The following PARD3 variants were observed in gnomAD, a reference collection of about 807,000 sequenced individuals.
The protein encoded by PARD3 is partitioning defective 3 homolog.
A neutral mutation model predicts 155.4 loss-of-function variants in PARD3; 75 were observed. That is an observed-to-expected ratio of 0.48 (90% CI 0.40 to 0.58). The LOEUF is 0.58. Among genes scored for constraint, PARD3 ranks in the 20% least tolerant of loss-of-function variants. The pLI, the probability that PARD3 is intolerant of heterozygous loss-of-function variation, is 0.00. For missense variants in PARD3, 1,642 were observed against 1,721.7 expected, an observed-to-expected ratio of 0.95 and a Z score of 0.82; for synonymous variants, 576 against 610.5, an observed-to-expected ratio of 0.94 and a Z score of 0.83.
intron 20 of PARD3, among the ~76,000 whole-genome samples, chr10:34,290,107 C>T (rs1228242365): frequency 6.6e-6 from 1 of 152,170 alleles, no homozygotes; most frequent in East Asian, 1.9e-4. Flanking sequence ...AATATTTCTG[C>T]TGCTACCAAA....
chr10:34,725,364 A>C (rs1264526484), intron 1 of PARD3, among the ~76,000 whole-genome samples: 1 of 151,974 alleles, frequency 6.6e-6, no homozygotes, highest in Non-Finnish European at 1.5e-5. Flanking sequence ...TGTTGGACCA[A>C]GGTGGTCTTG....
At chr10:34,559,045 C>T (rs980835372) in intron 2 of PARD3, among the ~76,000 whole-genome samples, 1 of 151,788 alleles carries the variant, frequency 6.6e-6, no homozygotes, top group African/African-American at 2.4e-5. Context: ...TCATTTTTCC[C>T]CCCCACAGAA....
At chr10:34,750,462 A>AACACACACACACAC (rs71033348) in intron 1 of PARD3, among the ~76,000 whole-genome samples, 58 of 135,924 alleles carry the variant, frequency 4.3e-4, no homozygotes, top group African/African-American at 1.3e-3. Flanking sequence ...CTCTCTTTCA[A>AACACACACACACAC]ACACACACAC....
At chr10:34,355,958 C>CAAAAAAAAAAGAAA (rs1491326864) in intron 14 of PARD3, among the ~76,000 whole-genome samples, 1 of 116,198 alleles carries the variant, frequency 8.6e-6, no homozygotes, top group Non-Finnish European at 1.6e-5. Context: ...AAAACAAAAC[C>CAAAAAAAAAAGAAA]AAACAAAAAA....
At chr10:34,521,050 T>C (rs1317012640) in intron 2 of PARD3, among the ~76,000 whole-genome samples, 5 of 152,204 alleles carry the variant, frequency 3.3e-5, no homozygotes, top group Non-Finnish European at 1.5e-5. Flanking sequence ...CAATGATGTG[T>C]TCTCTCAAGA....
intron 4 of PARD3, among the ~76,000 whole-genome samples, chr10:34,468,467 T>C (rs2078145564): frequency 6.6e-6 from 1 of 152,180 alleles, no homozygotes; most frequent in Non-Finnish European, 1.5e-5. Context: ...TTTGTGAATA[T>C]CCATGTAAAT....
intron 2 of PARD3, among the ~76,000 whole-genome samples, chr10:34,551,249 GC>G (rs1329728448): frequency 6.6e-6 from 1 of 152,194 alleles, no homozygotes; most frequent in African/African-American, 2.4e-5. Context: ...GCCCTGTTCA[GC>G]CCCTCCAGGA....
chr10:34,592,001 A>G (rs1437045784), intron 2 of PARD3, among the ~76,000 whole-genome samples: 1 of 152,174 alleles, frequency 6.6e-6, no homozygotes, highest in Non-Finnish European at 1.5e-5. Context: ...GATTTAGAAC[A>G]CACTCCAGTA....
intron 20 of PARD3, among the ~76,000 whole-genome samples, chr10:34,302,623 T>G (rs1428547737): frequency 6.6e-6 from 1 of 152,190 alleles, no homozygotes; most frequent in Non-Finnish European, 1.5e-5. Flanking sequence ...TTCTGTGAAA[T>G]GTTTACTTTA....
At position 34,648,946 on chromosome 10, in the gene PARD3, A is replaced by G. The variant is rs544887683; in HGVS notation, c.222+47372T>C. ...TACAAATGAATCCTCCAAACAAGGG[A>G]CACCATCATCATCAGTTTTAAATAT... On this transcript the variant is annotated intron_variant, in intron 2 of 24. Coordinates refer to ENST00000374788, the MANE Select transcript of PARD3 (RefSeq NM_001184785.2). 7.9e-5 allele frequency among the ~76,000 whole-genome samples: 12 copies of G among 152,276 alleles called. 1 individual carries two copies. The highest frequency in any genetic ancestry group is 1.3e-4 in the Non-Finnish European group (9 of 68,020).
At chr10:34,651,096 C>T (rs745895420) in intron 2 of PARD3, among the ~76,000 whole-genome samples, 1 of 143,158 alleles carries the variant, frequency 7.0e-6, no homozygotes, top group African/African-American at 2.6e-5. Context: ...TTCATGGTGG[C>T]GAAGGAATCA....
chr10:34,193,315 C>G (rs1268875298), intron 22 of PARD3, among the ~76,000 whole-genome samples: 1 of 152,098 alleles, frequency 6.6e-6, no homozygotes, highest in African/African-American at 2.4e-5. Context: ...GGATTTTTCC[C>G]TAAATAAAAA....
intron 22 of PARD3, among the ~76,000 whole-genome samples, chr10:34,160,261 T>A (rs1481224246): frequency 6.6e-6 from 1 of 152,170 alleles, no homozygotes; most frequent in African/African-American, 2.4e-5. Context: ...GGGAAAAACT[T>A]TGATTCTTAA....
At chr10:34,796,199 A>G (rs1842228962) in intron 1 of PARD3, among the ~76,000 whole-genome samples, 1 of 152,186 alleles carries the variant, frequency 6.6e-6, no homozygotes, top group Non-Finnish European at 1.5e-5. Flanking sequence ...GTCCCAGCTG[A>G]GCCCAACATT....
chr10:34,548,342 C>A lies in PARD3; in HGVS notation c.223-31183G>T, dbSNP rs1003931813. Among the ~76,000 whole-genome samples, 26 of 151,444 alleles carry A rather than the reference C, an allele frequency of 1.7e-4. No homozygotes were observed. In the East Asian group the frequency reaches 2.4e-3, roughly 14 times the overall value. On this transcript the variant is annotated intron_variant, in intron 2 of 24. Coordinates refer to ENST00000374788, the MANE Select transcript of PARD3 (RefSeq NM_001184785.2). ...TAACTCTACTAAAAACACACACACA[C>A]ACAAAAAAAAGCCAGGCATGGTGGT... is the stretch of plus-strand genomic sequence containing the variant.
chr10:34,139,779 CAAAGTGGATACAAACAAGTTCTT>C (rs1358249767), intron 22 of PARD3, among the ~76,000 whole-genome samples: 1 of 152,160 alleles, frequency 6.6e-6, no homozygotes, highest in Non-Finnish European at 1.5e-5. Flanking sequence ...GTCAGCATGA[CAAAGTGGATACAAACAAGTTCTT>C]GAACTGGGAT....
rs1296134532 is a variant in PARD3, at chr10:34,719,333, C to A, written c.121-22914G>T. ...GGAAAAAAAGCATTTCAAAAGGCCC[C>A]AAATAAATTTTAATTCTAAAATTTT... On this transcript the variant is annotated intron_variant, in intron 1 of 24. Transcript: ENST00000374788. 1.1e-4 allele frequency among the ~76,000 whole-genome samples: 16 copies of A among 152,288 alleles called. No individual in the cohort carries two copies. The East Asian group carries it at 2.9e-3, about 28-fold the overall frequency.
At chr10:34,184,904 G>C (rs2133220955) in intron 22 of PARD3, among the ~76,000 whole-genome samples, 1 of 152,286 alleles carries the variant, frequency 6.6e-6, no homozygotes, top group African/African-American at 2.4e-5. Context: ...GTGGGACCCT[G>C]GGAGGCCCTG....
intron 5 of PARD3, among the ~76,000 whole-genome samples, chr10:34,418,061 C>G (rs1055568376): frequency 6.6e-6 from 1 of 152,158 alleles, no homozygotes; most frequent in Non-Finnish European, 1.5e-5. Flanking sequence ...TAATTCTATA[C>G]TCTAGAAGCA....
Sources: allele counts gnomAD v4.1 joint callset (sites outside exome capture counted in the v4.1 genomes callset), GRCh38; gene constraint gnomAD v4.1.1; transcripts MANE v1.5; gene names NCBI Gene and HGNC (gene_info 2026-07-23, HGNC 2026-07-21).